KCNV2: variants seen among roughly 807,000 people sequenced by gnomAD.
KCNV2 encodes potassium voltage-gated channel modifier subfamily V member 2, also known as potassium voltage-gated channel subfamily V member 2.
In KCNV2, 65 loss-of-function variants were observed where a neutral mutation model predicts 37.0. The ratio of observed to expected loss-of-function variants is 1.76; its 90% CI spans 1.44 to 2.16. KCNV2 has a LOEUF of 2.16. Among genes scored for constraint, KCNV2 ranks in the 30% most tolerant of loss-of-function variants. The pLI is 0.00. For missense variants in KCNV2, 1,232 were observed against 766.7 expected, an observed-to-expected ratio of 1.61 and a Z score of -7.17; for synonymous variants, 518 against 328.6, an observed-to-expected ratio of 1.58 and a Z score of -6.23.
intron 1 of KCNV2, among the ~76,000 whole-genome samples, chr9:2,727,164 T>C (rs1211285778): frequency 6.6e-6 from 1 of 151,992 alleles, no homozygotes; most frequent in Non-Finnish European, 1.5e-5. Context: ...TGAAAGCTAT[T>C]GTTCAGCTCA....
At position 2,724,900 on chromosome 9, in the gene KCNV2, A is replaced by G. The variant is rs1046803222; in HGVS notation, c.1357-4546A>G. On this transcript the variant is annotated intron_variant, in intron 1 of 1. Transcript: ENST00000382082. ...CTTGGGACTAAGAGACAACATATAA[A>G]TATCTGGCACAGAAAGTAATAGAGT... is the stretch of plus-strand genomic sequence containing the variant. Among the ~76,000 whole-genome samples the G allele has an allele frequency of 2.0e-5, 3 of 152,236 alleles. No individual in the cohort carries two copies. The East Asian group carries it at 5.8e-4, about 29-fold the overall frequency.
Position 2,718,899 on chromosome 9 carries a change from T to A in KCNV2, c.1160T>A (p.Ile387Asn). 6.2e-7 allele frequency: 1 copy of A among 1,609,148 alleles called. No homozygotes were observed. The highest frequency in any genetic ancestry group is 8.5e-7 in the Non-Finnish European group (1 of 1,180,000). The change falls in exon 1 of 2, where the codon ATC becomes AAC. Residue 387 changes from isoleucine to asparagine, a missense_variant. Ile to Asn is a moderately radical substitution (Grantham distance 149). Coordinates refer to ENST00000382082, the MANE Select transcript of KCNV2 (RefSeq NM_133497.4). ...RVMRLMRIFR[I>N]LKLARHSTGL... ...ATGCGCCTCATGCGCATCTTCCGCATCCTCAAGCTGGCGCGCCACTCCACC... is the reference window on the plus strand; with the variant it reads ...ATGCGCCTCATGCGCATCTTCCGCAACCTCAAGCTGGCGCGCCACTCCACC...
intron 1 of KCNV2, among the ~76,000 whole-genome samples, chr9:2,725,291 G>T (rs1819950096): frequency 1.3e-5 from 2 of 152,184 alleles, no homozygotes; most frequent in South Asian, 2.1e-4. Context: ...TTATCCTGAA[G>T]GTAGTCACCC....
intron 1 of KCNV2, among the ~76,000 whole-genome samples, chr9:2,726,797 T>C (rs1819975839): frequency 6.6e-6 from 1 of 152,170 alleles, no homozygotes; most frequent in South Asian, 2.1e-4. Context: ...CATTACCGCC[T>C]AAGTTCTGCC....
intron 1 of KCNV2, among the ~76,000 whole-genome samples, chr9:2,720,294 A>C (rs1819842009): frequency 6.6e-6 from 1 of 152,226 alleles, no homozygotes; most frequent in Non-Finnish European, 1.5e-5. Context: ...ATGACCCTGA[A>C]TAATTAACTG....
chr9:2,725,096 T>C (rs1489539651), intron 1 of KCNV2, among the ~76,000 whole-genome samples: 1 of 152,178 alleles, frequency 6.6e-6, no homozygotes, highest in African/African-American at 2.4e-5. Context: ...GACAGCATCA[T>C]TGAGGGCACG....
chr9:2,729,102 G>A (rs566027436), intron 1 of KCNV2, among the ~76,000 whole-genome samples: 2 of 152,158 alleles, frequency 1.3e-5, no homozygotes, highest in Non-Finnish European at 2.9e-5. Flanking sequence ...CATTTACTGA[G>A]CACGTTCTAC....
intron 1 of KCNV2, 103 bp downstream of exon 1, chr9:2,719,198 G>A (rs1042566787): frequency 3.1e-6 from 4 of 1,309,894 alleles, no homozygotes; most frequent in African/African-American, 1.5e-5. Flanking sequence ...TCTGATCCTC[G>A]TCTTCCCCCC....
chr9:2,718,270 T>G lies in KCNV2; in HGVS notation c.531T>G (p.Cys177Trp). The G allele has an allele frequency of 6.2e-7, 1 of 1,612,364 alleles. No homozygotes were observed. Among genetic ancestry groups the G allele is most frequent in the Non-Finnish European group, 8.5e-7 (1 of 1,179,870 alleles). ...TGCTGCTGGTGCTCGACGGGCTGTGTCCGCGCCGCTTCCTGGAGGAGCTGG... is the reference window on the plus strand; with the variant it reads ...TGCTGCTGGTGCTCGACGGGCTGTGGCCGCGCCGCTTCCTGGAGGAGCTGG... Reference protein sequence around the residue: ...SGVLLVLDGLCPRRFLEELGY... With the variant: ...SGVLLVLDGLWPRRFLEELGY... Residue 177 changes from cysteine to tryptophan, a missense_variant, in exon 1 of 2, where the codon TGT (cysteine) becomes TGG (tryptophan). By Grantham distance (215) the Cys-to-Trp change is radical. Coordinates refer to ENST00000382082, the MANE Select transcript of KCNV2 (RefSeq NM_133497.4).
In KCNV2 at chr9:2,718,303, G is replaced by C. The variant is rs772921412; in HGVS notation, c.564G>C (p.Trp188Cys). The C allele has an allele frequency of 1.9e-6, 3 of 1,609,356 alleles. No homozygotes were observed. The highest frequency in any genetic ancestry group is 1.1e-5 in the South Asian group (1 of 90,682). The change falls in exon 1 of 2, where the codon TGG becomes TGC. Residue 188 changes from tryptophan to cysteine, a missense_variant. Physicochemically the swap from Trp to Cys is radical, Grantham distance 215 (BLOSUM62 -2). Transcript: ENST00000382082. The stretch of plus-strand genomic sequence containing the variant: ...GCTTCCTGGAGGAGCTGGGCTACTG[G>C]GGCGTGCGGCTCAAGTACACGCCAC... ...PRRFLEELGYWGVRLKYTPRC... is the reference protein window; with the variant it reads ...PRRFLEELGYCGVRLKYTPRC...
At chr9:2,728,890 A>G (rs372008748) in intron 1 of KCNV2, among the ~76,000 whole-genome samples, 3 of 150,148 alleles carry the variant, frequency 2.0e-5, no homozygotes, top group Admixed American at 6.6e-5. Context: ...ATAAAAAAAA[A>G]AAAAAAGAAA....
At position 2,726,919 on chromosome 9, in the gene KCNV2, C is replaced by G. The variant is rs572364988; in HGVS notation, c.1357-2527C>G. Among the ~76,000 whole-genome samples the G allele has an allele frequency of 4.6e-5, 7 of 152,226 alleles. No individual in the cohort carries two copies. The South Asian group carries it at 1.2e-3, about 27-fold the overall frequency. On this transcript the variant is annotated intron_variant, in intron 1 of 1. Transcript: ENST00000382082. Reference sequence around the variant, plus strand: ...CTCCTTATGAGAATCTAACTAATACCTGACAACCTGAGATGGAGCAGTTTC... The same window carrying G: ...CTCCTTATGAGAATCTAACTAATACGTGACAACCTGAGATGGAGCAGTTTC...
At position 2,717,754 on chromosome 9, in the gene KCNV2, T is replaced by A. The variant is rs377071035; in HGVS notation, c.15T>A (p.Ser5Arg). 6.2e-7 allele frequency: 1 copy of A among 1,612,780 alleles called. No homozygotes were observed. Among genetic ancestry groups the A allele is most frequent in the Non-Finnish European group, 8.5e-7 (1 of 1,179,706 alleles). ...TTTCCGCAGCCATGCTCAAACAGAG[T>A]GAGAGGAGACGGTCCTGGAGCTACA... The part of the protein sequence containing the change: MLKQ[S>R]ERRRSWSYRP... The change falls in exon 1 of 2, where the codon AGT becomes AGA. Residue 5 changes from serine to arginine, a missense_variant. Physicochemically the swap from Ser to Arg is moderately radical, Grantham distance 110 (BLOSUM62 -1). Coordinates refer to ENST00000382082, the MANE Select transcript of KCNV2 (RefSeq NM_133497.4).
chr9:2,718,094 C>T lies in KCNV2; in HGVS notation c.355C>T (p.Pro119Ser), dbSNP rs748571527. The change falls in exon 1 of 2, where the codon CCC (proline) becomes TCC (serine). Residue 119 changes from proline (P) to serine (S), a missense_variant. Physicochemically the swap from Pro to Ser is moderately conservative, Grantham distance 74. Coordinates refer to ENST00000382082, the MANE Select transcript of KCNV2 (RefSeq NM_133497.4). ...GGACTACTGCGAGCTGGCCGGCTTC[C>T]CCAAGACGCGCCTAGGTCGCCTGGC... ...QLDYCELAGFPKTRLGRLATS... is the reference protein window; with the variant it reads ...QLDYCELAGFSKTRLGRLATS... 6 of 1,600,486 alleles carry T rather than the reference C, an allele frequency of 3.7e-6. No homozygotes were observed. The highest frequency in any genetic ancestry group is 2.3e-5 in the East Asian group (1 of 44,358).
rs750883269 is a variant in KCNV2 at position 2,718,694 on chromosome 9, C to T, written c.955C>T (p.Leu319=). 1.2e-6 allele frequency: 2 copies of T among 1,613,294 alleles called. No homozygotes were observed. Among genetic ancestry groups the T allele is most frequent in the Non-Finnish European group, 1.7e-6 (2 of 1,179,850 alleles). ...GGGCTTCTTCACGCTCGAGTACCTGCTGCGCCTAGCCTCCACGCCCGACCT... is the reference window on the plus strand; with the variant it reads ...GGGCTTCTTCACGCTCGAGTACCTGTTGCGCCTAGCCTCCACGCCCGACCT... The part of the protein sequence containing the change: ...CMGFFTLEYL[L]RLASTPDLRR... The change falls in exon 1 of 2, where the codon CTG becomes TTG. Residue 319 remains leucine (L), a synonymous_variant. Transcript: ENST00000382082.
intron 1 of KCNV2, 126 bp downstream of exon 1, chr9:2,719,221 C>T (rs1407574360): frequency 9.7e-7 from 1 of 1,026,634 alleles, no homozygotes; most frequent in Non-Finnish European, 1.5e-6. Context: ...CCCCCAATCG[C>T]CGCATACAGC....
chr9:2,729,793 C>A lies in KCNV2; in HGVS notation c.*66C>A. 1 of 1,519,052 alleles carries A rather than the reference C, an allele frequency of 6.6e-7. No individual in the cohort carries two copies. The highest frequency in any genetic ancestry group is 1.7e-5 in the Admixed American group (1 of 59,828). The allele number at this position is 1,519,052 out of a possible 1,614,324, so 94.1% of individuals were successfully genotyped here. On this transcript the variant is annotated 3_prime_UTR_variant, in exon 2 of 2. Coordinates refer to ENST00000382082, the MANE Select transcript of KCNV2 (RefSeq NM_133497.4). ...AAGGCTTCATTGCTCTTTTTTTAAT[C>A]ATTATGATTGGCAGCAAAAGGAAAT...
chr9:2,722,112 TATAA>T (rs1420727845), intron 1 of KCNV2, among the ~76,000 whole-genome samples: 1 of 139,884 alleles, frequency 7.1e-6, no homozygotes, highest in East Asian at 2.0e-4. Context: ...AGAAGTTATT[TATAA>T]ATAAATTAGA....
chr9:2,717,510 A>T lies in KCNV2; in HGVS notation c.-230A>T. 1.7e-6 allele frequency: 1 copy of T among 583,672 alleles called. No homozygotes were observed. Among genetic ancestry groups the T allele is most frequent in the East Asian group, 2.9e-5 (1 of 34,630 alleles). The allele number at this position is 583,672 out of a possible 1,614,324, so 36.2% of individuals were successfully genotyped here. On this transcript the variant is annotated 5_prime_UTR_variant, in exon 1 of 2. Coordinates refer to ENST00000382082, the MANE Select transcript of KCNV2 (RefSeq NM_133497.4). ...TTGCTTCTTCCAAATCAGCAAGATTAGAGCAGTCAACAGCTGACTGCGTTC... is the reference window on the plus strand; with the variant it reads ...TTGCTTCTTCCAAATCAGCAAGATTTGAGCAGTCAACAGCTGACTGCGTTC...
Sources: allele counts gnomAD v4.1 joint callset (sites outside exome capture counted in the v4.1 genomes callset), GRCh38; gene constraint gnomAD v4.1.1; transcripts MANE v1.5; gene names NCBI Gene and HGNC (gene_info 2026-07-23, HGNC 2026-07-21).